Variants in GPR157 observed in about 807,000 individuals in gnomAD.
The protein encoded by GPR157 is G protein-coupled receptor 157, also known as G-protein coupled receptor 157.
Under a neutral mutation model 23.5 loss-of-function variants are expected in GPR157, and 16 were observed. The ratio of observed to expected loss-of-function variants is 0.68; its 90% CI spans 0.46 to 1.04. The LOEUF (loss-of-function observed/expected upper bound fraction) is 1.04, where lower values mean the gene tolerates loss of function less well. GPR157 is among the 50% of genes least tolerant of loss of function. The probability of loss-of-function intolerance (pLI) is 0.00; values close to 1 mark genes in which losing one functional copy is unlikely to be tolerated. For synonymous variants in GPR157, 200 were observed against 221.5 expected (o/e 0.90, Z 0.86); for missense variants, 440 against 460.7 (o/e 0.96, Z 0.41).
chr1:9,114,059 G>A (rs1420396753), intron 1 of GPR157, among the ~76,000 whole-genome samples: 2 of 150,598 alleles, frequency 1.3e-5, no homozygotes, highest in African/African-American at 2.4e-5. Flanking sequence ...GGTGGCTCAC[G>A]CCCGAATCCC....
intron 2 of GPR157, among the ~76,000 whole-genome samples, chr1:9,110,077 T>G (rs1638444911): frequency 2.6e-5 from 4 of 152,142 alleles, no homozygotes; most frequent in Admixed American, 2.6e-4. Context: ...TCTGGACCTA[T>G]CTTACTGCCC....
chr1:9,117,956 T>A (rs2124521806), intron 1 of GPR157, among the ~76,000 whole-genome samples: 1 of 152,346 alleles, frequency 6.6e-6, no homozygotes, highest in East Asian at 1.9e-4. Context: ...TTTGGTTGAT[T>A]ACAACCTAGA....
chr1:9,121,293 C>T (rs967053108), intron 1 of GPR157, among the ~76,000 whole-genome samples: 1 of 151,496 alleles, frequency 6.6e-6, no homozygotes, highest in African/African-American at 2.4e-5. Flanking sequence ...GATCACACCA[C>T]TGCACTCCAG....
chr1:9,104,202 T>C lies in GPR157; in HGVS notation c.*217A>G, dbSNP rs1569944135. 1.2e-5 allele frequency: 7 copies of C among 565,140 alleles called. No individual in the cohort carries two copies. In the East Asian group the frequency reaches 2.0e-4, roughly 16 times the overall value. 35.0% of individuals were successfully genotyped at this position (565,140 alleles called of 1,614,324 possible). The stretch of plus-strand genomic sequence containing the variant: ...CCTTATGCAGATGAACGCCCACCCG[T>C]GGGCCAGGACGCTGGTACCGGTGGA... On this transcript the variant is annotated 3_prime_UTR_variant, in exon 4 of 4. Transcript: ENST00000377411.
chr1:9,115,499 G>A (rs765771040), intron 1 of GPR157, among the ~76,000 whole-genome samples: 5 of 151,606 alleles, frequency 3.3e-5, no homozygotes, highest in Non-Finnish European at 7.4e-5. Flanking sequence ...ATGAAGTAAG[G>A]AAGACATAGA....
intron 1 of GPR157, among the ~76,000 whole-genome samples, chr1:9,123,174 A>AAAAT (rs1553175764): frequency 2.6e-5 from 3 of 117,088 alleles, no homozygotes; most frequent in African/African-American, 3.4e-5. Context: ...AAAAAAAAAA[A>AAAAT]ATATATATAT....
intron 1 of GPR157, among the ~76,000 whole-genome samples, chr1:9,113,879 G>C (rs762482650): frequency 3.3e-5 from 5 of 151,014 alleles, no homozygotes; most frequent in Non-Finnish European, 7.4e-5. Context: ...GGAGGCAGAG[G>C]TTGCGGTGAG....
chr1:9,128,448 G>A lies in GPR157; in HGVS notation c.383+197C>T, dbSNP rs1330854335. 1 of 683,904 alleles carries A rather than the reference G, an allele frequency of 1.5e-6. No homozygotes were observed. The highest frequency in any genetic ancestry group is 1.8e-5 in the African/African-American group (1 of 56,676). The allele number at this position is 683,904 out of a possible 1,614,324, so 42.4% of individuals were successfully genotyped here. On this transcript the variant is annotated intron_variant, in intron 1 of 3. Transcript: ENST00000377411. The surrounding 1 kb of genome is among the most constrained non-coding windows in gnomAD (Gnocchi z 6.3). Reference sequence around the variant, plus strand: ...CTGTGCCCTGGGGCAGGCACAGCGGGGCTCCTTCGGGAGGGAGCGAATCTC... The same window carrying A: ...CTGTGCCCTGGGGCAGGCACAGCGGAGCTCCTTCGGGAGGGAGCGAATCTC...
rs888862954 is a variant in GPR157 at position 9,102,315 on chromosome 1, G to A, written c.*2104C>T. 31 of 149,782 alleles carry A rather than the reference G, an allele frequency of 2.1e-4. No homozygotes were observed. Among genetic ancestry groups the A allele is most frequent in the African/African-American group, 7.7e-4 (31 of 40,320 alleles). The allele number at this position is 149,782 out of a possible 1,614,324, so 9.3% of individuals were successfully genotyped here. A position where few individuals can be genotyped will look rare whatever the true frequency, so the allele number is the denominator to read the frequency against. ...AATCCCAGCAGCTTGGGATTGGGAA[G>A]CAGGAGAATCGCTTGAACCTGGGAG... On this transcript the variant is annotated 3_prime_UTR_variant, in exon 4 of 4. Transcript: ENST00000377411.
In GPR157 at chr1:9,105,548, G is replaced by A. The variant is rs142607934; in HGVS notation, c.730C>T (p.Arg244Trp). 6.3e-5 allele frequency: 101 copies of A among 1,599,344 alleles called. No homozygotes were observed. Among genetic ancestry groups the A allele is most frequent in the East Asian group, 1.8e-4 (8 of 44,340 alleles). Residue 244 changes from arginine (R) to tryptophan (W), a missense_variant, in exon 3 of 4, where the codon CGG (arginine) becomes TGG (tryptophan). Arg to Trp is a moderately radical substitution (Grantham distance 101). Coordinates refer to ENST00000377411, the MANE Select transcript of GPR157 (RefSeq NM_024980.5). The surrounding 1 kb of genome is among the most constrained non-coding windows in gnomAD (Gnocchi z 4.8). The stretch of plus-strand genomic sequence containing the variant: ...GAGCCACAGAGGGTCAGCACGAACC[G>A]CACGGTGCTCCAGACCCTGAGGCCG... ...FIGLRVWSTV[R>W]FVLTLCGSPA...
intron 1 of GPR157, among the ~76,000 whole-genome samples, chr1:9,114,437 T>A (rs959660123): frequency 1.3e-5 from 2 of 151,816 alleles, no homozygotes; most frequent in Non-Finnish European, 2.9e-5. Flanking sequence ...CGCTAAGGAA[T>A]TCTGGGAAGG....
intron 1 of GPR157, among the ~76,000 whole-genome samples, chr1:9,123,165 A>AG (rs1638837183): frequency 8.2e-6 from 1 of 122,490 alleles, no homozygotes; most frequent in Non-Finnish European, 1.6e-5. Context: ...TTGGGTGGGA[A>AG]AAAAAAAAAA....
rs34535590 is a variant in GPR157, at chr1:9,101,213, A to ATT, written c.*3204_*3205dup. 0.06 allele frequency: 8,558 copies of ATT among 143,522 alleles called. 785 individuals are homozygous for ATT. The highest frequency in any genetic ancestry group is 0.44 in the East Asian group (2,114 of 4,850). 8.9% of individuals were successfully genotyped at this position (143,522 alleles called of 1,614,324 possible). On this transcript the variant is annotated 3_prime_UTR_variant, in exon 4 of 4. Transcript: ENST00000377411. ...CAGGCACACGAAACCACATCCAACT[A>ATT]TTTTTTTTTTTTTTGTATATTTAGT...
chr1:9,126,699 A>C (rs1553176231), intron 1 of GPR157, among the ~76,000 whole-genome samples: 1 of 152,220 alleles, frequency 6.6e-6, no homozygotes, highest in Non-Finnish European at 1.5e-5. Flanking sequence ...CTAGGTTAAC[A>C]GATGAACCTG....
intron 1 of GPR157, among the ~76,000 whole-genome samples, chr1:9,122,060 C>T (rs1243705682): frequency 6.6e-6 from 1 of 152,178 alleles, no homozygotes; most frequent in Non-Finnish European, 1.5e-5. Context: ...CCCCTGCTGA[C>T]CCTGGTCTGG....
rs1287761937 is a variant in GPR157 at position 9,116,508 on chromosome 1, C to T, written c.384-5019G>A. Among the ~76,000 whole-genome samples, 100 of 141,226 alleles carry T rather than the reference C, an allele frequency of 7.1e-4. 1 individual carries two copies. Among genetic ancestry groups the T allele is most frequent in the African/African-American group, 2.6e-3 (97 of 37,812 alleles). 92.6% of individuals were successfully genotyped at this position (141,226 alleles called of 152,430 possible). A position where few individuals can be genotyped will look rare whatever the true frequency, so the allele number is the denominator to read the frequency against. On this transcript the variant is annotated intron_variant, in intron 1 of 3. Coordinates refer to ENST00000377411, the MANE Select transcript of GPR157 (RefSeq NM_024980.5). ...TATTATTCCCAGCACTTTGAGAGGCCGAGGCGGGCGGATCATGAGGTCAGG... is the reference window on the plus strand; with the variant it reads ...TATTATTCCCAGCACTTTGAGAGGCTGAGGCGGGCGGATCATGAGGTCAGG...
Position 9,105,012 on chromosome 1 carries a change from C to CA in GPR157, c.793-379dup, listed in dbSNP as rs397947656. ...CAGACTCTGTCCCCGCACCCCCCCC[C>CA]AAAAAAGAGAAATGGCTGAGAAACA... is the stretch of plus-strand genomic sequence containing the variant. On this transcript the variant is annotated intron_variant, in intron 3 of 3. Transcript: ENST00000377411. The surrounding 1 kb of genome is among the most constrained non-coding windows in gnomAD (Gnocchi z 4.8). 2.3e-4 allele frequency among the ~76,000 whole-genome samples: 33 copies of CA among 140,546 alleles called. 2 individuals are homozygous for CA. The highest frequency in any genetic ancestry group is 6.4e-4 in the Admixed American group (9 of 14,166). 92.2% of individuals were successfully genotyped at this position (140,546 alleles called of 152,430 possible). A position where few individuals can be genotyped will look rare whatever the true frequency, so the allele number is the denominator to read the frequency against.
chr1:9,129,048 G>C lies in GPR157; in HGVS notation c.-21C>G. The C allele has an allele frequency of 8.0e-7, 1 of 1,248,204 alleles. No individual in the cohort carries two copies. The highest frequency in any genetic ancestry group is 1.0e-6 in the Non-Finnish European group (1 of 998,346). The allele number at this position is 1,248,204 out of a possible 1,614,324, so 77.3% of individuals were successfully genotyped here. On this transcript the variant is annotated 5_prime_UTR_variant, in exon 1 of 4. Coordinates refer to ENST00000377411, the MANE Select transcript of GPR157 (RefSeq NM_024980.5). ...TGCATGGCGTGGGGGGCCAGGAGCCGGAGCGCCGCGAGGACAGAAGCCGGG... is the reference window on the plus strand; with the variant it reads ...TGCATGGCGTGGGGGGCCAGGAGCCCGAGCGCCGCGAGGACAGAAGCCGGG...
rs377162102 is a variant in GPR157, at chr1:9,104,621, G to A, written c.806C>T (p.Thr269Met). The A allele has an allele frequency of 1.3e-5, 21 of 1,605,528 alleles. No individual in the cohort carries two copies. The South Asian group carries it at 1.6e-4, about 12-fold the overall frequency. Residue 269 changes from threonine (T) to methionine (M), a missense_variant, in exon 4 of 4, where the codon ACG becomes ATG. Physicochemically the swap from Thr to Met is moderately conservative, Grantham distance 81 (BLOSUM62 -1). Coordinates refer to ENST00000377411, the MANE Select transcript of GPR157 (RefSeq NM_024980.5). The stretch of plus-strand genomic sequence containing the variant: ...GATGCAGTTGGCACCTCCCTGAAAC[G>A]TGTTCCCGATACCCTGTCGGGAGAA... ...VLVVLHGIGN[T>M]FQGGANCIMF...
Sources: allele counts gnomAD v4.1 joint callset (sites outside exome capture counted in the v4.1 genomes callset), GRCh38; gene constraint gnomAD v4.1.1; non-coding constraint Gnocchi (gnomAD v3.1); transcripts MANE v1.5; gene names NCBI Gene and HGNC (gene_info 2026-07-23, HGNC 2026-07-21).